The following RYK variants were observed in gnomAD, a reference collection of about 807,000 sequenced individuals.
RYK encodes the protein receptor like tyrosine kinase.
A neutral mutation model predicts 70.2 loss-of-function variants in RYK; 21 were observed. The ratio of observed to expected loss-of-function variants is 0.30; its 90% CI spans 0.21 to 0.43. The LOEUF (loss-of-function observed/expected upper bound fraction) is 0.43, where lower values mean the gene tolerates loss of function less well. Ranked by LOEUF, RYK falls within the 20% of genes least tolerant of loss-of-function variation. RYK has a pLI of 1.00. For missense variants in RYK, 604 were observed against 753.3 expected, an observed-to-expected ratio of 0.80 and a Z score of 2.32; for synonymous variants, 267 against 278.0, an observed-to-expected ratio of 0.96 and a Z score of 0.39.
At chr3:134,159,171 C>T (rs1256374738) in intron 14 of RYK, 66 bp downstream of exon 14, 3 of 1,539,230 alleles carry the variant, frequency 1.9e-6, no homozygotes, top group Non-Finnish European at 2.7e-6. Context: ...GAAACCTGCT[C>T]TTTTTCCTTT....
At chr3:134,201,903 T>C (rs1002074067) in intron 6 of RYK, among the ~76,000 whole-genome samples, 17 of 152,302 alleles carry the variant, frequency 1.1e-4, no homozygotes, top group African/African-American at 3.4e-4. Context: ...GTGTTTGTTA[T>C]GAAAATAAAC....
intron 9 of RYK, among the ~76,000 whole-genome samples, chr3:134,184,802 G>T (rs1461631802): frequency 6.6e-6 from 1 of 151,244 alleles, no homozygotes; most frequent in East Asian, 2.0e-4. Flanking sequence ...AAGTGGGTTT[G>T]AATTTTAAAA....
chr3:134,240,761 T>C (rs546736356), intron 1 of RYK, among the ~76,000 whole-genome samples: 24 of 152,316 alleles, frequency 1.6e-4, no homozygotes, highest in African/African-American at 5.5e-4. Context: ...AATTTTAGTA[T>C]GTGTGGACAT....
intron 5 of RYK, among the ~76,000 whole-genome samples, chr3:134,203,474 A>G (rs571833489): frequency 9.1e-4 from 138 of 152,348 alleles, no homozygotes; most frequent in Middle Eastern, 6.8e-3. Flanking sequence ...GACAAATGGT[A>G]TAATTTCTTC....
intron 9 of RYK, among the ~76,000 whole-genome samples, chr3:134,184,588 C>T (rs1379728886): frequency 2.0e-5 from 3 of 152,152 alleles, no homozygotes; most frequent in African/African-American, 7.2e-5. Context: ...CAACAAGACC[C>T]CATCTCTATT....
intron 2 of RYK, among the ~76,000 whole-genome samples, chr3:134,221,494 C>T (rs908226693): frequency 5.9e-5 from 9 of 151,972 alleles, no homozygotes; most frequent in African/African-American, 1.2e-4. Context: ...TGAGCTACCA[C>T]GCCAGGCCTA....
At chr3:134,190,711 T>A (rs1301310980) in intron 8 of RYK, among the ~76,000 whole-genome samples, 1 of 152,180 alleles carries the variant, frequency 6.6e-6, no homozygotes, top group African/African-American at 2.4e-5. Context: ...AAAAGACCAA[T>A]AAAGAAAAAC....
chr3:134,173,506 G>T (rs1422468755), intron 13 of RYK, among the ~76,000 whole-genome samples: 1 of 152,126 alleles, frequency 6.6e-6, no homozygotes, highest in African/African-American at 2.4e-5. Flanking sequence ...CAATCATGAC[G>T]AAGGAAAAGA....
intron 13 of RYK, among the ~76,000 whole-genome samples, chr3:134,169,470 A>G (rs148074470): frequency 2.3e-3 from 347 of 152,316 alleles, no homozygotes; most frequent in African/African-American, 8.0e-3. Flanking sequence ...ATATCCAGAA[A>G]TTCTTAAGAA....
At chr3:134,218,610 C>T (rs2014633983) in intron 2 of RYK, among the ~76,000 whole-genome samples, 1 of 152,016 alleles carries the variant, frequency 6.6e-6, no homozygotes, top group South Asian at 2.1e-4. Flanking sequence ...CATGAAATTC[C>T]AAGACAGACA....
intron 1 of RYK, among the ~76,000 whole-genome samples, chr3:134,245,965 T>C (rs1374482172): frequency 6.6e-6 from 1 of 152,012 alleles, no homozygotes. Flanking sequence ...TCACCAGATA[T>C]TTATGACTTA....
chr3:134,246,134 G>C (rs2015458930), intron 1 of RYK, among the ~76,000 whole-genome samples: 1 of 151,888 alleles, frequency 6.6e-6, no homozygotes, highest in Admixed American at 6.5e-5. Flanking sequence ...AATGGAAACA[G>C]AAAAAGATTC....
chr3:134,248,239 G>A (rs920290850), intron 1 of RYK, among the ~76,000 whole-genome samples: 2 of 152,094 alleles, frequency 1.3e-5, no homozygotes, highest in African/African-American at 4.8e-5. Flanking sequence ...CTCGCCCCCG[G>A]GGATAGACAA....
intron 1 of RYK, among the ~76,000 whole-genome samples, chr3:134,246,335 CACACACACAGAGAG>C (rs2015465502): frequency 7.0e-6 from 1 of 143,692 alleles, no homozygotes; most frequent in Admixed American, 7.0e-5. Flanking sequence ...CACACACACA[CACACACACAGAGAG>C]AGAGAAAATA....
chr3:134,227,963 G>A (rs2014955421), intron 1 of RYK, among the ~76,000 whole-genome samples: 2 of 152,056 alleles, frequency 1.3e-5, no homozygotes, highest in South Asian at 2.1e-4. Flanking sequence ...GTGAGCCACC[G>A]TGCCTGGCCT....
chr3:134,250,511 G>C lies in RYK; in HGVS notation c.144C>G (p.Pro48=). 8.0e-7 allele frequency: 1 copy of C among 1,242,564 alleles called. No homozygotes were observed. Among genetic ancestry groups the C allele is most frequent in the East Asian group, 3.3e-5 (1 of 30,394 alleles). 77.0% of individuals were successfully genotyped at this position (1,242,564 alleles called of 1,614,324 possible). A position where few individuals can be genotyped will look rare whatever the true frequency, so the allele number is the denominator to read the frequency against. ...ACTGCAGCTCCGGGGGCCGCGGGGC[G>C]GGGGCGGCGGCAGCGCCAGGCGCGG... ...LLPAPGAAAA[P]APRPPELQSA... The change falls in exon 1 of 15, where the codon CCC becomes CCG. Residue 48 remains proline (P), a synonymous_variant. Coordinates refer to ENST00000623711, the MANE Select transcript of RYK (RefSeq NM_002958.4).
At chr3:134,192,581 C>T (rs13080318) in intron 7 of RYK, among the ~76,000 whole-genome samples, 14,648 of 151,928 alleles carry the variant, frequency 0.096, 913 homozygotes, top group East Asian at 0.34. Flanking sequence ...CCCTTAATTC[C>T]CATTCATTCT....
intron 7 of RYK, among the ~76,000 whole-genome samples, chr3:134,193,653 G>A (rs915798949): frequency 6.6e-5 from 10 of 152,238 alleles, no homozygotes; most frequent in Admixed American, 3.9e-4. Flanking sequence ...CACATCTATC[G>A]TATTTCCTAA....
intron 6 of RYK, chr3:134,195,414 A>T (rs1211653093): frequency 5.1e-6 from 2 of 394,498 alleles, no homozygotes; most frequent in Admixed American, 4.9e-5. Context: ...TATCAAAATT[A>T]TTCAGAAATG....
Sources: allele counts gnomAD v4.1 joint callset (sites outside exome capture counted in the v4.1 genomes callset), GRCh38; gene constraint gnomAD v4.1.1; transcripts MANE v1.5; gene names NCBI Gene and HGNC (gene_info 2026-07-23, HGNC 2026-07-21).